MIAT: variants seen among roughly 807,000 people sequenced by gnomAD.
MIAT encodes MI related novel mRNA.
Position 26,655,401 on chromosome 22 carries a change from A to G in MIAT, n.647-7915A>G, listed in dbSNP as rs574349675. ...CTTACGGTGTCTGTGGGCAGCTCTCATTGCCTCTCTGAGCCTCTTTATGTG... is the reference window on the plus strand; with the variant it reads ...CTTACGGTGTCTGTGGGCAGCTCTCGTTGCCTCTCTGAGCCTCTTTATGTG... On this transcript the variant is annotated intron_variant and non_coding_transcript_variant, in intron 2 of 5. Coordinates refer to ENST00000643270, the Ensembl canonical transcript of MIAT. 7.7e-4 allele frequency among the ~76,000 whole-genome samples: 118 copies of G among 152,350 alleles called. 2 individuals carry two copies. The highest frequency in any genetic ancestry group is 5.8e-4 in the East Asian group (3 of 5,194).
At chr22:26,646,640 A>G (rs1930240383) in exon 1 of MIAT, 1 of 398,634 alleles carries the variant, frequency 2.5e-6, no homozygotes, top group Non-Finnish European at 4.4e-6. Flanking sequence ...CCTTGTCTAT[A>G]AAATGGGGAG....
chr22:26,673,216 CTG>C, downstream of MIAT: 1 of 398,826 alleles, frequency 2.5e-6, no homozygotes, highest in Non-Finnish European at 4.4e-6. Flanking sequence ...CTCTGGCTCT[CTG>C]TTCCCACGGA....
chr22:26,667,221 G>A, exon 5 of MIAT: 1 of 398,680 alleles, frequency 2.5e-6, no homozygotes, highest in Non-Finnish European at 4.4e-6. Context: ...TGAGCCAGAT[G>A]CTGGGGACGC....
chr22:26,666,333 A>G (rs941779928), exon 4 of MIAT: 2 of 398,562 alleles, frequency 5.0e-6, no homozygotes, highest in Non-Finnish European at 4.4e-6. Flanking sequence ...TGGCTCCCCG[A>G]ATTTCCTCTG....
intron 2 of MIAT, chr22:26,657,500 C>A (rs1930503770): frequency 5.0e-6 from 2 of 398,676 alleles, no homozygotes; most frequent in Non-Finnish European, 8.8e-6. Flanking sequence ...AAGACGACGC[C>A]GGCTGCGCTC....
chr22:26,665,163 C>T (rs567508986), intron 3 of MIAT, among the ~76,000 whole-genome samples: 5 of 152,118 alleles, frequency 3.3e-5, no homozygotes, highest in African/African-American at 1.2e-4. Flanking sequence ...ATCACTTGAA[C>T]CCAGGAGGCA....
At chr22:26,648,778 T>A (rs1290211059) in intron 2 of MIAT, among the ~76,000 whole-genome samples, 1 of 152,174 alleles carries the variant, frequency 6.6e-6, no homozygotes, top group African/African-American at 2.4e-5. Context: ...GATATGTGTG[T>A]GCACTGCAGA....
downstream of MIAT, chr22:26,674,035 A>G (rs1361961228): frequency 2.5e-6 from 1 of 398,520 alleles, no homozygotes; most frequent in Non-Finnish European, 4.4e-6. Flanking sequence ...AGCATATGCC[A>G]TTTTGTATAG....
At chr22:26,648,090 A>G (rs1479169683) in intron 2 of MIAT, among the ~76,000 whole-genome samples, 1 of 151,984 alleles carries the variant, frequency 6.6e-6, no homozygotes, top group African/African-American at 2.4e-5. Context: ...GGGAGGAGGG[A>G]AGGCAGCCGC....
exon 6 of MIAT, chr22:26,669,584 T>C (rs1930970581): frequency 7.5e-6 from 3 of 398,608 alleles, no homozygotes; most frequent in Non-Finnish European, 8.8e-6. Flanking sequence ...AACAGTCACA[T>C]AGCAGGCTAC....
At chr22:26,648,869 T>C (rs1930286154) in intron 2 of MIAT, among the ~76,000 whole-genome samples, 2 of 151,862 alleles carry the variant, frequency 1.3e-5, no homozygotes, top group South Asian at 2.1e-4. Flanking sequence ...GTGGGGAGTC[T>C]CTAATGGCCT....
At chr22:26,668,483 G>C (rs1346122978) in exon 6 of MIAT, 1 of 398,756 alleles carries the variant, frequency 2.5e-6, no homozygotes. Context: ...TCTGGGTCTG[G>C]GGGCCCTTTC....
At chr22:26,647,089 G>A (rs959667318) in intron 1 of MIAT, 1 of 398,180 alleles carries the variant, frequency 2.5e-6, no homozygotes, top group Non-Finnish European at 4.4e-6. Context: ...GAGACCCTGG[G>A]ATGACACCGT....
At chr22:26,670,277 C>T (rs931576904), downstream of MIAT, 29 of 398,330 alleles carry the variant, frequency 7.3e-5, no homozygotes, top group African/African-American at 1.6e-4. Flanking sequence ...GGCCCTTTCC[C>T]GTGCTAGCCA....
intron 2 of MIAT, among the ~76,000 whole-genome samples, chr22:26,649,116 C>T (rs1465709961): frequency 1.3e-5 from 2 of 152,174 alleles, no homozygotes; most frequent in South Asian, 2.1e-4. Context: ...AGCAATGTGA[C>T]AGGGCCATGT....
At chr22:26,670,685 T>C, downstream of MIAT, 1 of 396,138 alleles carries the variant, frequency 2.5e-6, no homozygotes, top group Non-Finnish European at 4.4e-6. Flanking sequence ...TATCAGAACC[T>C]TTAAAATGCT....
chr22:26,657,249 A>G (rs1367661441), intron 2 of MIAT: 3 of 356,622 alleles, frequency 8.4e-6, no homozygotes, highest in Admixed American at 4.7e-5. Context: ...GGGATGCGGG[A>G]GGCTGAGCGC....
At chr22:26,656,631 C>G (rs1324011002) in intron 2 of MIAT, among the ~76,000 whole-genome samples, 1 of 152,220 alleles carries the variant, frequency 6.6e-6, no homozygotes, top group Non-Finnish European at 1.5e-5. Flanking sequence ...AATTGGATTT[C>G]TAACACGTTC....
intron 2 of MIAT, among the ~76,000 whole-genome samples, chr22:26,655,786 C>T (rs1052466527): frequency 6.6e-6 from 1 of 152,198 alleles, no homozygotes; most frequent in Non-Finnish European, 1.5e-5. Flanking sequence ...TCTGGGCCTT[C>T]CTTTCTTTCC....
Sources: gnomAD v4.1 joint callset for allele counts (sites outside exome capture counted in the v4.1 genomes callset) on GRCh38, gnomAD v4.1.1 for gene constraint, MANE v1.5 for transcripts, NCBI Gene and HGNC (gene_info 2026-07-23, HGNC 2026-07-21) for gene names.